Variants in BBC3 observed in about 807,000 individuals in gnomAD.
The protein encoded by BBC3 is BCL2 binding component 3.
BBC3 carries 5 observed loss-of-function variants against 18.2 expected under a neutral mutation model. The observed-to-expected ratio is 0.27, with a 90% CI of 0.14 to 0.58. The LOEUF (loss-of-function observed/expected upper bound fraction) is 0.58. BBC3 is among the 20% of genes least tolerant of loss of function. The probability of loss-of-function intolerance (pLI) is 0.91; values close to 1 mark genes in which losing one functional copy is unlikely to be tolerated. For missense variants in BBC3, 224 were observed against 268.9 expected (o/e 0.83, Z 1.17); for synonymous variants, 119 against 128.0 (o/e 0.93, Z 0.47).
In BBC3 at chr19:47,228,515, C is replaced by A; in HGVS notation, c.-15-69G>T. 1 of 1,215,386 alleles carries A rather than the reference C, an allele frequency of 8.2e-7. No homozygotes were observed. Among genetic ancestry groups the A allele is most frequent in the South Asian group, 4.2e-5 (1 of 23,874 alleles). 75.3% of individuals were successfully genotyped at this position (1,215,386 alleles called of 1,614,324 possible). ...GGGCCCACTGTACCTCCAGCCTACCCGGGGTTAGGACCCAGATGGAGAAGA... is the reference window on the plus strand; with the variant it reads ...GGGCCCACTGTACCTCCAGCCTACCAGGGGTTAGGACCCAGATGGAGAAGA... On this transcript the variant is annotated intron_variant, in intron 1 of 3. Transcript: ENST00000439096. The surrounding 1 kb of genome is among the most constrained non-coding windows in gnomAD (Gnocchi z 5.5).
In BBC3 at chr19:47,230,774, C is replaced by A. The variant is rs913967325; in HGVS notation, c.-16+155G>T. On this transcript the variant is annotated intron_variant, in intron 1 of 3. Coordinates refer to ENST00000439096, the MANE Select transcript of BBC3 (RefSeq NM_014417.5). The surrounding 1 kb of genome is among the most constrained non-coding windows in gnomAD (Gnocchi z 6.7). ...GCCGAGCCGCCTCTCACCCGGCGAC[C>A]CTGGCCCAGGGTCCCTCGCGGGGTT... 2.0e-6 allele frequency: 2 copies of A among 985,210 alleles called. No individual in the cohort carries two copies. Among genetic ancestry groups the A allele is most frequent in the South Asian group, 9.4e-5 (2 of 21,288 alleles). The allele number at this position is 985,210 out of a possible 1,614,324, so 61.0% of individuals were successfully genotyped here. A position where few individuals can be genotyped will look rare whatever the true frequency, so the allele number is the denominator to read the frequency against.
At chr19:47,232,663 G>A (rs1426550595), upstream of BBC3, 1 of 1,445,362 alleles carries the variant, frequency 6.9e-7, no homozygotes, top group African/African-American at 1.4e-5. Flanking sequence ...TTCCTGCCCT[G>A]CTCTGGTTTG....
intron 1 of BBC3, among the ~76,000 whole-genome samples, chr19:47,229,860 G>A (rs2058888195): frequency 6.6e-6 from 1 of 151,878 alleles, no homozygotes; most frequent in African/African-American, 2.4e-5. Context: ...ACAGACACCT[G>A]GACAGAAAAC....
chr19:47,230,204 C>A lies in BBC3; in HGVS notation c.-16+725G>T, dbSNP rs922814042. On this transcript the variant is annotated intron_variant, in intron 1 of 3. Coordinates refer to ENST00000439096, the MANE Select transcript of BBC3 (RefSeq NM_014417.5). The surrounding 1 kb of genome is among the most constrained non-coding windows in gnomAD (Gnocchi z 6.7). ...ACAGACAGAACCCCACACAAACAGGCGCGGGGACTCACGCAGACACCCCGA... is the reference window on the plus strand; with the variant it reads ...ACAGACAGAACCCCACACAAACAGGAGCGGGGACTCACGCAGACACCCCGA... Among the ~76,000 whole-genome samples, 1 of 152,004 alleles carries A rather than the reference C, an allele frequency of 6.6e-6. No homozygotes were observed. Among genetic ancestry groups the A allele is most frequent in the African/African-American group, 2.4e-5 (1 of 41,380 alleles).
chr19:47,221,976 G>A, intron 3 of BBC3, 58 bp from the exon 4 acceptor site: 1 of 1,457,826 alleles, frequency 6.9e-7, no homozygotes, highest in Non-Finnish European at 9.3e-7. Context: ...TGATGGGAGT[G>A]GGGATGGTCA....
At position 47,221,667 on chromosome 19, in the gene BBC3, C is replaced by T. The variant is rs1453659061; in HGVS notation, c.*135G>A. On this transcript the variant is annotated 3_prime_UTR_variant, in exon 4 of 4. Coordinates refer to ENST00000439096, the MANE Select transcript of BBC3 (RefSeq NM_014417.5). ...GGGCTGGAGTGGCTGCCCCGGCCCGCCCCCGGGACAGGCAGGGCTGGGAGT... is the reference window on the plus strand; with the variant it reads ...GGGCTGGAGTGGCTGCCCCGGCCCGTCCCCGGGACAGGCAGGGCTGGGAGT... The T allele has an allele frequency of 2.0e-6, 3 of 1,518,786 alleles. No homozygotes were observed. Among genetic ancestry groups the T allele is most frequent in the South Asian group, 1.2e-5 (1 of 81,612 alleles). The allele number at this position is 1,518,786 out of a possible 1,614,324, so 94.1% of individuals were successfully genotyped here.
intron 3 of BBC3, 94 bp downstream of exon 3, chr19:47,226,470 G>A (rs1382096802): frequency 1.9e-5 from 23 of 1,235,634 alleles, no homozygotes; most frequent in Non-Finnish European, 2.5e-5. Flanking sequence ...CAGCCGCGCA[G>A]GGCAGCAGCT....
chr19:47,230,991 G>C lies in BBC3; in HGVS notation c.-78C>G. On this transcript the variant is annotated 5_prime_UTR_variant, in exon 1 of 4. Coordinates refer to ENST00000439096, the MANE Select transcript of BBC3 (RefSeq NM_014417.5). The surrounding 1 kb of genome is among the most constrained non-coding windows in gnomAD (Gnocchi z 6.7). ...GGGGCGGGCGGCTTCCTTCAGGAGG[G>C]CGCGCCCGCCGAGCGCCGCTCTCCG... 1.0e-6 allele frequency: 1 copy of C among 985,728 alleles called. No individual in the cohort carries two copies. The highest frequency in any genetic ancestry group is 1.2e-6 in the Non-Finnish European group (1 of 829,748). The allele number at this position is 985,728 out of a possible 1,614,324, so 61.1% of individuals were successfully genotyped here. A position where few individuals can be genotyped will look rare whatever the true frequency, so the allele number is the denominator to read the frequency against.
At chr19:47,224,311 A>G (rs1600238247) in intron 3 of BBC3, among the ~76,000 whole-genome samples, 1 of 152,252 alleles carries the variant, frequency 6.6e-6, no homozygotes, top group South Asian at 2.1e-4. Context: ...ATAAATAAAT[A>G]AAATAAAATC....
intron 2 of BBC3, chr19:47,227,281 G>T (rs1476768054): frequency 6.7e-6 from 1 of 149,720 alleles, no homozygotes; most frequent in Non-Finnish European, 1.5e-5. Flanking sequence ...GCGCGGGCCT[G>T]GGGGGCTGGG....
At chr19:47,232,457 T>C (rs191470853), upstream of BBC3, 16,006 of 1,464,168 alleles carry the variant, frequency 0.011, 93 homozygotes, top group Non-Finnish European at 0.013. Context: ...CTGTGACAGC[T>C]TCTTGCTAAC....
At chr19:47,227,627 C>A (rs962634027) in intron 2 of BBC3, among the ~76,000 whole-genome samples, 4 of 152,140 alleles carry the variant, frequency 2.6e-5, no homozygotes, top group African/African-American at 7.2e-5. Context: ...AGGCAGGGGA[C>A]CTTTAACCCT....
chr19:47,231,291 G>A (rs1229952683), upstream of BBC3: 6 of 758,924 alleles, frequency 7.9e-6, no homozygotes, highest in African/African-American at 1.1e-4. This position sits in a 1 kb window ranked among gnomAD's most constrained non-coding sequence, Gnocchi z 4.0. Context: ...CCGCCCCCGC[G>A]TGACGCTACG....
chr19:47,226,144 G>A (rs2058815198), intron 3 of BBC3, among the ~76,000 whole-genome samples: 1 of 151,692 alleles, frequency 6.6e-6, no homozygotes, highest in African/African-American at 2.4e-5. Flanking sequence ...GCCCGCCCCG[G>A]CGCCCGGGAA....
At chr19:47,232,365 A>G, upstream of BBC3, 1 of 637,306 alleles carries the variant, frequency 1.6e-6, no homozygotes, top group Admixed American at 3.2e-5. Context: ...ATAAAAATAA[A>G]GGAAAGAAAC....
chr19:47,232,821 C>T (rs2058927119), upstream of BBC3: 2 of 410,256 alleles, frequency 4.9e-6, no homozygotes, highest in African/African-American at 4.1e-5. Context: ...GTAAGGATGT[C>T]AGACTTCTCA....
At chr19:47,229,729 C>T (rs1266987686) in intron 1 of BBC3, among the ~76,000 whole-genome samples, 1 of 151,866 alleles carries the variant, frequency 6.6e-6, no homozygotes, top group East Asian at 1.9e-4. Flanking sequence ...TGCATAGACC[C>T]CACAGATCCT....
At chr19:47,223,196 G>A (rs991006198) in intron 3 of BBC3, among the ~76,000 whole-genome samples, 2 of 151,916 alleles carry the variant, frequency 1.3e-5, no homozygotes, top group Admixed American at 6.6e-5. Context: ...GCGTGAACCC[G>A]GTAGGTGGAG....
At position 47,231,139 on chromosome 19, in the gene BBC3, T is replaced by C. The variant is rs2058909227; in HGVS notation, c.-226A>G. 2 of 980,108 alleles carry C rather than the reference T, an allele frequency of 2.0e-6. No homozygotes were observed. Among genetic ancestry groups the C allele is most frequent in the Non-Finnish European group, 1.2e-6 (1 of 827,498 alleles). 60.7% of individuals were successfully genotyped at this position (980,108 alleles called of 1,614,324 possible). A position where few individuals can be genotyped will look rare whatever the true frequency, so the allele number is the denominator to read the frequency against. The stretch of plus-strand genomic sequence containing the variant: ...GTCCGCGTCGTGGCCGCTGCTGGGA[T>C]CGCTGGTGCCGCCGCCGCCGCCGCC... On this transcript the variant is annotated 5_prime_UTR_variant, in exon 1 of 4. Transcript: ENST00000439096. This position sits in a 1 kb window ranked among gnomAD's most constrained non-coding sequence, Gnocchi z 4.0.
Sources: allele counts gnomAD v4.1 joint callset (sites outside exome capture counted in the v4.1 genomes callset), GRCh38; gene constraint gnomAD v4.1.1; non-coding constraint Gnocchi (gnomAD v3.1); transcripts MANE v1.5; gene names NCBI Gene and HGNC (gene_info 2026-07-23, HGNC 2026-07-21).